The following IGF2R variants were observed in gnomAD, a reference collection of about 807,000 sequenced individuals.
IGF2R encodes the protein insulin like growth factor 2 receptor, also known as cation-independent mannose-6-phosphate receptor.
Under a neutral mutation model 270.6 loss-of-function variants are expected in IGF2R, and 91 were observed. That is an observed-to-expected ratio of 0.34 (90% CI 0.28 to 0.40). The LOEUF is 0.40. IGF2R is among the 10% of genes least tolerant of loss of function. The probability of loss-of-function intolerance (pLI) is 1.00; values close to 1 mark genes in which losing one functional copy is unlikely to be tolerated. For synonymous variants in IGF2R, 1,316 were observed against 1,258.9 expected (o/e 1.05, Z -0.96); for missense variants, 2,805 against 3,188.3 (o/e 0.88, Z 2.90).
At position 160,061,572 on chromosome 6, in the gene IGF2R, C is replaced by T; in HGVS notation, c.3332C>T (p.Thr1111Ile). The change falls in exon 24 of 48, where the codon ACC becomes ATC. Residue 1111 changes from threonine to isoleucine, a missense_variant. By Grantham distance (89) the Thr-to-Ile change is moderately conservative (BLOSUM62 -1). Coordinates refer to ENST00000356956, the MANE Select transcript of IGF2R (RefSeq NM_000876.4). ...TVRKPWTAVD[T>I]SVDGRKRTFY... Reference sequence around the variant, plus strand: ...AGGAAACCTTGGACGGCTGTTGACACCTCTGTCGATGGGAGAAAGAGGACT... The same window carrying T: ...AGGAAACCTTGGACGGCTGTTGACATCTCTGTCGATGGGAGAAAGAGGACT... The T allele has an allele frequency of 6.2e-7, 1 of 1,614,074 alleles. No homozygotes were observed. Among genetic ancestry groups the T allele is most frequent in the Non-Finnish European group, 8.5e-7 (1 of 1,179,906 alleles).
At chr6:160,003,440 TAGA>T (rs1313132102) in intron 2 of IGF2R, 3 of 152,232 alleles carry the variant, frequency 2.0e-5, no homozygotes, top group South Asian at 4.1e-4. Context: ...CTCAAACGGA[TAGA>T]AGAAGTAGTA....
chr6:160,061,063 T>C (rs1433389168), intron 23 of IGF2R, among the ~76,000 whole-genome samples: 1 of 152,166 alleles, frequency 6.6e-6, no homozygotes, highest in African/African-American at 2.4e-5. Flanking sequence ...GATGTTAAAC[T>C]CCCTAAGCTG....
chr6:160,082,906 TC>T (rs1770006739), intron 39 of IGF2R, among the ~76,000 whole-genome samples: 1 of 152,122 alleles, frequency 6.6e-6, no homozygotes, highest in African/African-American at 2.4e-5. Context: ...CCGCCTCTGC[TC>T]CCCTGAAGGG....
In IGF2R at chr6:160,001,277, C is replaced by T. The variant is rs541246346; in HGVS notation, c.290-7733C>T. Among the ~76,000 whole-genome samples the T allele has an allele frequency of 7.2e-4, 109 of 152,108 alleles. 1 individual carries two copies. Among genetic ancestry groups the T allele is most frequent in the African/African-American group, 2.6e-3 (107 of 41,490 alleles). On this transcript the variant is annotated intron_variant, in intron 2 of 47. Transcript: ENST00000356956. Reference sequence around the variant, plus strand: ...ATAGGAGCGCGAACCCTATTGTGAACTGCACATGCAAGGGATCTAGGTTGT... The same window carrying T: ...ATAGGAGCGCGAACCCTATTGTGAATTGCACATGCAAGGGATCTAGGTTGT...
chr6:159,979,234 A>G (rs1229198609), intron 1 of IGF2R, among the ~76,000 whole-genome samples: 2 of 152,148 alleles, frequency 1.3e-5, no homozygotes, highest in African/African-American at 4.8e-5. Context: ...AGAATCAGTT[A>G]TACATTTTAA....
chr6:160,071,151 G>C (rs1257790432), intron 31 of IGF2R, among the ~76,000 whole-genome samples: 3 of 147,576 alleles, frequency 2.0e-5, no homozygotes, highest in Non-Finnish European at 4.5e-5. Context: ...CTGTGCCCCA[G>C]ACCCAGGAGG....
In IGF2R at chr6:160,111,485, AATAC is replaced by A. The variant is rs1397791773; in HGVS notation, c.*6407_*6410del. The A allele has an allele frequency of 2.0e-5, 3 of 152,344 alleles. No homozygotes were observed. In the East Asian group the frequency reaches 5.8e-4, roughly 29 times the overall value. The allele number at this position is 152,344 out of a possible 1,614,324, so 9.4% of individuals were successfully genotyped here. ...ATTTTATTGTAAGAATACAGTATAT[AATAC>A]ATACAACATCGAAAATATGTGTTAA... On this transcript the variant is annotated 3_prime_UTR_variant, in exon 48 of 48. Transcript: ENST00000356956.
chr6:160,068,316 A>C lies in IGF2R; in HGVS notation c.4183A>C (p.Thr1395Pro). Residue 1395 changes from threonine (T) to proline (P), a missense_variant, in exon 30 of 48, where the codon ACT (threonine) becomes CCT (proline). By Grantham distance (38) the Thr-to-Pro change is conservative. Around this residue, in one of 2 missense-constraint regions of IGF2R, gnomAD observed 1,851 missense variants for 2,207.2 expected, o/e 0.84. Transcript: ENST00000356956. ...SRYSDNWEAI[T>P]GTGDPEHYLI... is the part of the protein sequence containing the mutation. ...GTACAGTGACAACTGGGAAGCCATC[A>C]CTGGGACGGGGGACCCGGAGCACTA... is the stretch of plus-strand genomic sequence containing the variant. 4 of 1,614,260 alleles carry C rather than the reference A, an allele frequency of 2.5e-6. No homozygotes were observed. The highest frequency in any genetic ancestry group is 3.4e-6 in the Non-Finnish European group (4 of 1,180,042).
rs1189496183 is a variant in IGF2R, at chr6:160,090,006, G to A, written c.6558G>A (p.Pro2186=). Reference sequence around the variant, plus strand: ...CCTCCATCACAAGCTCCAGAAACCCGGCGTGCTCTGGAGCCAACATATGCC... The same window carrying A: ...CCTCCATCACAAGCTCCAGAAACCCAGCGTGCTCTGGAGCCAACATATGCC... ...QLSSITSSRN[P]ACSGANICQV... The change falls in exon 44 of 48, where the codon CCG becomes CCA. Residue 2186 remains proline (P), a synonymous_variant. Transcript: ENST00000356956. 1.9e-6 allele frequency: 3 copies of A among 1,606,444 alleles called. No individual in the cohort carries two copies. Among genetic ancestry groups the A allele is most frequent in the Admixed American group, 1.7e-5 (1 of 58,668 alleles).
intron 35 of IGF2R, among the ~76,000 whole-genome samples, chr6:160,074,469 A>T (rs1420682452): frequency 6.6e-6 from 1 of 152,218 alleles, no homozygotes; most frequent in Non-Finnish European, 1.5e-5. Context: ...TTTTGTAGAG[A>T]TGGGAGTATT....
chr6:160,053,699 A>C (rs1778246713), intron 19 of IGF2R, among the ~76,000 whole-genome samples: 1 of 152,112 alleles, frequency 6.6e-6, no homozygotes, highest in African/African-American at 2.4e-5. Flanking sequence ...TGTATTTATC[A>C]CCAGTATCCA....
Position 160,046,620 on chromosome 6 carries a change from T to C in IGF2R, c.2026T>C (p.Ser676Pro). ...PVSVSPCQPD[S>P]GACQVAKSDE... Reference sequence around the variant, plus strand: ...GTCTGTGAGCCCCTGTCAGCCAGACTCAGGAGCCTGCCAGGTGGCAAAAAG... The same window carrying C: ...GTCTGTGAGCCCCTGTCAGCCAGACCCAGGAGCCTGCCAGGTGGCAAAAAG... Residue 676 changes from serine (S) to proline (P), a missense_variant, in exon 15 of 48, where the codon TCA (serine) becomes CCA (proline). Transcript: ENST00000356956. The C allele has an allele frequency of 6.2e-7, 1 of 1,612,556 alleles. No individual in the cohort carries two copies. The highest frequency in any genetic ancestry group is 8.5e-7 in the Non-Finnish European group (1 of 1,179,728).
intron 18 of IGF2R, among the ~76,000 whole-genome samples, chr6:160,049,977 G>A (rs559055864): frequency 6.6e-6 from 1 of 152,328 alleles, no homozygotes; most frequent in South Asian, 2.1e-4. Context: ...TTTGGAGCGG[G>A]CCAAGGTGTG....
chr6:160,057,839 T>C (rs1044526027), intron 20 of IGF2R, among the ~76,000 whole-genome samples, 184 bp from the exon 21 acceptor site: 11 of 152,206 alleles, frequency 7.2e-5, no homozygotes, highest in African/African-American at 2.2e-4. Context: ...CTTGGTATAC[T>C]TCAGGGTGGT....
At chr6:160,012,763 ATT>A (rs370417751) in intron 4 of IGF2R, among the ~76,000 whole-genome samples, 1,849 of 127,974 alleles carry the variant, frequency 0.014, 83 homozygotes, top group African/African-American at 0.026. Flanking sequence ...ATATATATAT[ATT>A]TTTTTTTTTT....
At chr6:160,081,521 T>C (rs111354339) in intron 39 of IGF2R, among the ~76,000 whole-genome samples, 3 of 152,244 alleles carry the variant, frequency 2.0e-5, no homozygotes, top group African/African-American at 7.2e-5. Context: ...GTGCACACAT[T>C]GTGAGGGTTC....
chr6:160,101,708 A>G (rs190986883), intron 45 of IGF2R, among the ~76,000 whole-genome samples: 41 of 152,294 alleles, frequency 2.7e-4, no homozygotes, highest in Middle Eastern at 3.4e-3. Flanking sequence ...AGGGCCAGAG[A>G]GATTAGAAGT....
Position 160,050,683 on chromosome 6 carries a change from A to G in IGF2R, c.2694+31A>G, listed in dbSNP as rs746154651. Reference sequence around the variant, plus strand: ...GCACTGCTGCTGGCTGGTGACCTTCACTGCTGCATTTTTTGACTGAGCGTT... The same window carrying G: ...GCACTGCTGCTGGCTGGTGACCTTCGCTGCTGCATTTTTTGACTGAGCGTT... On this transcript the variant is annotated intron_variant, in intron 19 of 47. Coordinates refer to ENST00000356956, the MANE Select transcript of IGF2R (RefSeq NM_000876.4). The surrounding 1 kb of genome is among the most constrained non-coding windows in gnomAD (Gnocchi z 4.0). 1 of 1,568,636 alleles carries G rather than the reference A, an allele frequency of 6.4e-7. No individual in the cohort carries two copies. The highest frequency in any genetic ancestry group is 2.3e-5 in the East Asian group (1 of 43,758).
chr6:160,084,888 C>T lies in IGF2R; in HGVS notation c.6069-107C>T. 9.5e-7 allele frequency: 1 copy of T among 1,052,234 alleles called. No individual in the cohort carries two copies. The allele number at this position is 1,052,234 out of a possible 1,614,324, so 65.2% of individuals were successfully genotyped here. On this transcript the variant is annotated intron_variant, in intron 40 of 47. Transcript: ENST00000356956. The surrounding 1 kb of genome is among the most constrained non-coding windows in gnomAD (Gnocchi z 4.6). ...CTACATTCAGTGATGGAATGGAGCC[C>T]TTAGTTATCAGAACCTTTCTCTGAA... is the stretch of plus-strand genomic sequence containing the variant.
Sources: allele counts gnomAD v4.1 joint callset (sites outside exome capture counted in the v4.1 genomes callset), GRCh38; gene constraint gnomAD v4.1.1; regional missense constraint gnomAD v4.1.1; non-coding constraint Gnocchi (gnomAD v3.1); transcripts MANE v1.5; gene names NCBI Gene and HGNC (gene_info 2026-07-23, HGNC 2026-07-21).